The following DIP2B variants were observed in gnomAD, a reference collection of about 807,000 sequenced individuals.
The protein encoded by DIP2B is disco-interacting protein 2 homolog B.
DIP2B carries 76 observed loss-of-function variants against 198.0 expected under a neutral mutation model. The observed-to-expected ratio is 0.38, with a 90% confidence interval of 0.32 to 0.46. DIP2B has a LOEUF of 0.46. Among genes scored for constraint, DIP2B ranks in the 20% least tolerant of loss-of-function variants. The probability of loss-of-function intolerance (pLI) is 0.99; values close to 1 mark genes in which losing one functional copy is unlikely to be tolerated. For missense variants in DIP2B, 1,559 were observed against 1,978.4 expected, an observed-to-expected ratio of 0.79 and a Z score of 4.02; for synonymous variants, 701 against 739.1, an observed-to-expected ratio of 0.95 and a Z score of 0.84.
At chr12:50,650,718 A>T (rs1938438441) in intron 3 of DIP2B, among the ~76,000 whole-genome samples, 2 of 152,044 alleles carry the variant, frequency 1.3e-5, no homozygotes, top group South Asian at 4.1e-4. Context: ...AACAATGGGG[A>T]TTTGGTTGCT....
intron 12 of DIP2B, chr12:50,686,954 T>C (rs2139542540): frequency 3.5e-6 from 1 of 283,134 alleles, no homozygotes; most frequent in Middle Eastern, 1.1e-3. Flanking sequence ...TACAAGCGTT[T>C]AGGAAATGAT....
chr12:50,695,395 G>A (rs963396127), intron 15 of DIP2B, 35 bp downstream of exon 15: 2 of 1,565,008 alleles, frequency 1.3e-6, no homozygotes, highest in Non-Finnish European at 1.8e-6. Flanking sequence ...TTAATTATGT[G>A]ACTGTTTGAA....
At chr12:50,671,132 A>C (rs1592119971) in intron 4 of DIP2B, 54 bp from the exon 5 acceptor site, 1 of 1,553,670 alleles carries the variant, frequency 6.4e-7, no homozygotes, top group East Asian at 2.3e-5. Flanking sequence ...CAAGAACTGA[A>C]AAGTCTCTGT....
At chr12:50,526,954 C>G (rs974273121) in intron 1 of DIP2B, among the ~76,000 whole-genome samples, 5 of 152,072 alleles carry the variant, frequency 3.3e-5, no homozygotes, top group Non-Finnish European at 5.9e-5. Flanking sequence ...TCTGTCTTAA[C>G]CAAATGTAAT....
intron 1 of DIP2B, among the ~76,000 whole-genome samples, chr12:50,555,742 C>T (rs1407628632): frequency 6.6e-6 from 1 of 152,002 alleles, no homozygotes; most frequent in Non-Finnish European, 1.5e-5. Flanking sequence ...TTCCTTTCAC[C>T]CCATGCTTGT....
At chr12:50,568,693 T>A (rs1958587826) in intron 1 of DIP2B, among the ~76,000 whole-genome samples, 2 of 152,206 alleles carry the variant, frequency 1.3e-5, no homozygotes, top group Admixed American at 6.5e-5. Context: ...TTCTTCTTCC[T>A]CAGCTAGTGG....
intron 3 of DIP2B, among the ~76,000 whole-genome samples, chr12:50,653,346 C>CTTTTTTTTTTTTTTTTTTTTTTTTTTT (rs34185073): frequency 3.9e-5 from 3 of 76,632 alleles, no homozygotes; most frequent in Admixed American, 1.7e-4. Flanking sequence ...TTTTTCTTTT[C>CTTTTTTTTTTTTTTTTTTTTTTTTTTT]TTTTTTTTTT....
At chr12:50,579,458 C>T (rs970804958) in intron 1 of DIP2B, among the ~76,000 whole-genome samples, 3 of 149,706 alleles carry the variant, frequency 2.0e-5, no homozygotes, top group Non-Finnish European at 3.0e-5. Flanking sequence ...ACAAAAAATA[C>T]AAAATTAGCC....
Position 50,672,963 on chromosome 12 carries a change from G to T in DIP2B, c.641-1511G>T, listed in dbSNP as rs142165565. 4.3e-3 allele frequency among the ~76,000 whole-genome samples: 656 copies of T among 152,084 alleles called. 2 individuals carry two copies. Among genetic ancestry groups the T allele is most frequent in the African/African-American group, 0.015 (603 of 41,464 alleles). On this transcript the variant is annotated intron_variant, in intron 5 of 37. Transcript: ENST00000301180. ...ACACTATTGTGTGACTCTCTGCCCT[G>T]GTTTATTTGGCCATTCCCCTATTAA...
chr12:50,626,089 CACCAAAAGATGCTG>C (rs1937928942), intron 2 of DIP2B, 42 bp downstream of exon 2: 1 of 1,583,660 alleles, frequency 6.3e-7, no homozygotes, highest in African/African-American at 1.3e-5. Context: ...AGTATTTTTA[CACCAAAAGATGCTG>C]TCTTACAAGA....
intron 4 of DIP2B, among the ~76,000 whole-genome samples, chr12:50,666,267 CCAGT>C (rs1296596828): frequency 6.6e-6 from 1 of 152,144 alleles, no homozygotes; most frequent in African/African-American, 2.4e-5. Flanking sequence ...CCTCAGTGTA[CCAGT>C]CAAAGGGCTA....
At chr12:50,519,140 G>A (rs546130942) in intron 1 of DIP2B, among the ~76,000 whole-genome samples, 1 of 152,302 alleles carries the variant, frequency 6.6e-6, no homozygotes, top group African/African-American at 2.4e-5. Context: ...GTATAGGGGT[G>A]TAATTTGTTA....
intron 2 of DIP2B, among the ~76,000 whole-genome samples, chr12:50,629,925 T>C (rs1177493359): frequency 6.6e-6 from 1 of 151,742 alleles, no homozygotes; most frequent in Admixed American, 6.6e-5. Context: ...TGTTTCTTCT[T>C]GAGCCAGTTT....
intron 28 of DIP2B, among the ~76,000 whole-genome samples, chr12:50,727,073 G>A (rs1264904804): frequency 2.6e-5 from 4 of 152,106 alleles, no homozygotes; most frequent in Admixed American, 1.3e-4. Flanking sequence ...ACCCGAGATC[G>A]AGCCACTGCA....
At position 50,732,879 on chromosome 12, in the gene DIP2B, T is replaced by C. The variant is rs1000152242; in HGVS notation, c.3981+343T>C. 5.3e-5 allele frequency among the ~76,000 whole-genome samples: 8 copies of C among 152,278 alleles called. No homozygotes were observed. In the South Asian group the frequency reaches 6.2e-4, roughly 12 times the overall value. ...AAAGATTTGAGTCCTATTTGGATTT[T>C]ACTTGTATCTGACCTGTTTTTCCTT... On this transcript the variant is annotated intron_variant, in intron 32 of 37. Coordinates refer to ENST00000301180, the MANE Select transcript of DIP2B (RefSeq NM_173602.3).
At chr12:50,628,625 A>C (rs928611269) in intron 2 of DIP2B, among the ~76,000 whole-genome samples, 3 of 152,138 alleles carry the variant, frequency 2.0e-5, no homozygotes, top group African/African-American at 7.2e-5. Context: ...TCAGCAGTTC[A>C]TCATGCTTAT....
intron 30 of DIP2B, among the ~76,000 whole-genome samples, chr12:50,729,992 G>C (rs1165506282): frequency 6.6e-6 from 1 of 152,104 alleles, no homozygotes; most frequent in African/African-American, 2.4e-5. Flanking sequence ...CAAAGTGCTA[G>C]GATTATAGGT....
At chr12:50,545,684 T>C (rs1958370992) in intron 1 of DIP2B, among the ~76,000 whole-genome samples, 1 of 151,602 alleles carries the variant, frequency 6.6e-6, no homozygotes, top group African/African-American at 2.4e-5. Context: ...CTTTTTTTTT[T>C]TTTTTTCATA....
chr12:50,682,093 T>C (rs1010834555), intron 9 of DIP2B, among the ~76,000 whole-genome samples: 6 of 152,208 alleles, frequency 3.9e-5, no homozygotes, highest in African/African-American at 1.4e-4. Context: ...GTAGTGACTT[T>C]TACGTTTTTG....
Sources: allele counts gnomAD v4.1 joint callset (sites outside exome capture counted in the v4.1 genomes callset), GRCh38; gene constraint gnomAD v4.1.1; transcripts MANE v1.5; gene names NCBI Gene and HGNC (gene_info 2026-07-23, HGNC 2026-07-21).